KRAS: variants seen among roughly 807,000 people sequenced by gnomAD.
The protein encoded by KRAS is GTPase KRas.
Under a neutral mutation model 21.0 loss-of-function variants are expected in KRAS, and 1 was observed. The observed-to-expected ratio is 0.05, with a 90% CI of 0.02 to 0.23. The LOEUF (loss-of-function observed/expected upper bound fraction) is 0.23. Among genes scored for constraint, KRAS ranks in the 10% least tolerant of loss-of-function variants. The pLI is 1.00. For missense variants in KRAS, 107 were observed against 221.8 expected (o/e 0.48, Z 3.29); for synonymous variants, 67 against 72.5 (o/e 0.92, Z 0.39).
At chr12:25,247,535 G>A (rs1011382158) in intron 1 of KRAS, among the ~76,000 whole-genome samples, 1 of 152,128 alleles carries the variant, frequency 6.6e-6, no homozygotes, top group African/African-American at 2.4e-5. Context: ...GAATAGATGA[G>A]GAGAATTACA....
rs1162023749 is a variant in KRAS, at chr12:25,205,369, A to G, written c.*4426T>C. 2 of 214,912 alleles carry G rather than the reference A, an allele frequency of 9.3e-6. No homozygotes were observed. Among genetic ancestry groups the G allele is most frequent in the East Asian group, 7.0e-5 (1 of 14,332 alleles). 13.3% of individuals were successfully genotyped at this position (214,912 alleles called of 1,614,324 possible). On this transcript the variant is annotated 3_prime_UTR_variant, in exon 5 of 5. Coordinates refer to ENST00000311936, the MANE Select transcript of KRAS (RefSeq NM_004985.5). ...TATAAACATTTAAAAGTTAATTTCAATTAAAAGAGTGGTCATTTTTAATGT... is the reference window on the plus strand; with the variant it reads ...TATAAACATTTAAAAGTTAATTTCAGTTAAAAGAGTGGTCATTTTTAATGT...
Position 25,209,218 on chromosome 12 carries a change from A to C in KRAS, c.*577T>G, listed in dbSNP as rs1291166020. On this transcript the variant is annotated 3_prime_UTR_variant, in exon 5 of 5. Transcript: ENST00000311936. ...AGAAAAAATATAATATTTTGGGGAGAGTGACCATGACTAATAGCAGTGGAA... is the reference window on the plus strand; with the variant it reads ...AGAAAAAATATAATATTTTGGGGAGCGTGACCATGACTAATAGCAGTGGAA... 2.9e-6 allele frequency: 2 copies of C among 680,376 alleles called. No individual in the cohort carries two copies. The highest frequency in any genetic ancestry group is 5.3e-6 in the Non-Finnish European group (2 of 374,384). 42.1% of individuals were successfully genotyped at this position (680,376 alleles called of 1,614,324 possible).
At chr12:25,241,212 A>G (rs1181309148) in intron 2 of KRAS, among the ~76,000 whole-genome samples, 2 of 152,214 alleles carry the variant, frequency 1.3e-5, no homozygotes, top group Non-Finnish European at 2.9e-5. Context: ...CTTTATATTA[A>G]TATTAGCAGA....
intron 3 of KRAS, among the ~76,000 whole-genome samples, 158 bp downstream of exon 3, chr12:25,227,076 C>A (rs1235429364): frequency 1.3e-5 from 2 of 152,016 alleles, no homozygotes; most frequent in Non-Finnish European, 2.9e-5. Context: ...CTCTAATCCC[C>A]CAAGAACTTC....
chr12:25,207,697 A>G lies in KRAS; in HGVS notation c.*2098T>C, dbSNP rs1267278100. The G allele has an allele frequency of 2.2e-5, 5 of 232,282 alleles. No individual in the cohort carries two copies. The highest frequency in any genetic ancestry group is 4.3e-5 in the Non-Finnish European group (5 of 117,556). The allele number at this position is 232,282 out of a possible 1,614,324, so 14.4% of individuals were successfully genotyped here. On this transcript the variant is annotated 3_prime_UTR_variant, in exon 5 of 5. Coordinates refer to ENST00000311936, the MANE Select transcript of KRAS (RefSeq NM_004985.5). Reference sequence around the variant, plus strand: ...CCACTGGATAGGGTTCTGTCTATTCATACCAGGTTTGAAAAATCCTACTGT... The same window carrying G: ...CCACTGGATAGGGTTCTGTCTATTCGTACCAGGTTTGAAAAATCCTACTGT...
At chr12:25,215,537 T>C in intron 4 of KRAS, 2 of 1,611,886 alleles carry the variant, frequency 1.2e-6, no homozygotes, top group Non-Finnish European at 1.7e-6. Flanking sequence ...CTCTCACCAA[T>C]GTATAAAAAG....
chr12:25,223,831 C>T (rs1227231391), intron 4 of KRAS, among the ~76,000 whole-genome samples: 2 of 152,036 alleles, frequency 1.3e-5, no homozygotes, highest in African/African-American at 2.4e-5. Flanking sequence ...CCTAGCATTA[C>T]AGAAGTTAAT....
Position 25,228,178 on chromosome 12 carries a change from CTTTTTTT to C in KRAS, c.112-773_112-767del, listed in dbSNP as rs34584556. Among the ~76,000 whole-genome samples, 409 of 76,774 alleles carry C rather than the reference CTTTTTTT, an allele frequency of 5.3e-3. 3 individuals are homozygous for C. Among genetic ancestry groups the C allele is most frequent in the African/African-American group, 0.02 (386 of 19,602 alleles). 50.4% of individuals were successfully genotyped at this position (76,774 alleles called of 152,430 possible). ...GATTTTGGATTTTTTTTTCTTTCAT[CTTTTTTT>C]TTTTTTTTTTTTTTTTGGAGAGATA... On this transcript the variant is annotated intron_variant, in intron 2 of 4. Transcript: ENST00000311936.
At chr12:25,234,284 AG>A (rs1421980573) in intron 2 of KRAS, 1 of 177,694 alleles carries the variant, frequency 5.6e-6, no homozygotes, top group Non-Finnish European at 1.2e-5. Context: ...ACTAGGGAAA[AG>A]AATGCAGGAG....
intron 4 of KRAS, among the ~76,000 whole-genome samples, chr12:25,219,659 T>C (rs61762430): frequency 0.062 from 9,401 of 152,308 alleles, 391 homozygotes; most frequent in Non-Finnish European, 0.093. Flanking sequence ...AAAACCCAAC[T>C]GTGCATCCCT....
intron 2 of KRAS, among the ~76,000 whole-genome samples, chr12:25,230,220 T>C (rs972596709): frequency 2.0e-5 from 3 of 152,254 alleles, no homozygotes; most frequent in African/African-American, 4.8e-5. Flanking sequence ...AAGTGCAGCA[T>C]GATCACAATA....
At chr12:25,250,464 G>A (rs991037618) in intron 1 of KRAS, among the ~76,000 whole-genome samples, 1 of 152,170 alleles carries the variant, frequency 6.6e-6, no homozygotes, top group African/African-American at 2.4e-5. Context: ...CTCTCGGGGA[G>A]GAGGAAGGAA....
chr12:25,232,990 A>C (rs1016580995), intron 2 of KRAS, among the ~76,000 whole-genome samples: 8 of 152,194 alleles, frequency 5.3e-5, no homozygotes, highest in African/African-American at 1.9e-4. Flanking sequence ...AATGACAGTT[A>C]TAAAGAGATT....
intron 4 of KRAS, chr12:25,211,222 G>T (rs1951197483): frequency 6.6e-6 from 1 of 152,032 alleles, no homozygotes; most frequent in African/African-American, 2.4e-5. Context: ...GTAAATAAAT[G>T]TATTAAAAAA....
At chr12:25,245,220 C>T (rs1028686223) in intron 2 of KRAS, 54 bp downstream of exon 2, 12 of 1,540,232 alleles carry the variant, frequency 7.8e-6, no homozygotes, top group Non-Finnish European at 1.1e-5. Flanking sequence ...AAACCTTTAT[C>T]TGTATCAAAG....
intron 4 of KRAS, chr12:25,225,231 A>G (rs1951375119): frequency 6.7e-6 from 1 of 150,208 alleles, no homozygotes; most frequent in Admixed American, 6.6e-5. Context: ...AACATGACAT[A>G]ATGGTTTAAA....
intron 4 of KRAS, among the ~76,000 whole-genome samples, chr12:25,219,428 C>A (rs1218998322): frequency 6.6e-6 from 1 of 152,148 alleles, no homozygotes; most frequent in African/African-American, 2.4e-5. Flanking sequence ...CAAAGCACTC[C>A]ATATAGAGAA....
At chr12:25,215,367 G>A in intron 4 of KRAS, 1 of 1,601,366 alleles carries the variant, frequency 6.2e-7, no homozygotes, top group Non-Finnish European at 8.5e-7. Context: ...GTTCTAAAGT[G>A]GTTGCCACCT....
intron 2 of KRAS, chr12:25,234,482 G>A (rs1164381109): frequency 5.5e-6 from 1 of 182,482 alleles, no homozygotes; most frequent in Non-Finnish European, 1.2e-5. Context: ...TTAAATTTTT[G>A]TTGGTTTGAT....
Sources: gnomAD v4.1 joint callset for allele counts (sites outside exome capture counted in the v4.1 genomes callset) on GRCh38, gnomAD v4.1.1 for gene constraint, MANE v1.5 for transcripts, NCBI Gene and HGNC (gene_info 2026-07-23, HGNC 2026-07-21) for gene names.